Variants in RYR2 observed in about 807,000 individuals in gnomAD.
The protein encoded by RYR2 is cardiac muscle ryanodine receptor-calcium release channel.
Under a neutral mutation model 601.1 loss-of-function variants are expected in RYR2, and 227 were observed. The ratio of observed to expected loss-of-function variants is 0.38; its 90% CI spans 0.34 to 0.42. RYR2 has a LOEUF of 0.42. Ranked by LOEUF, RYR2 falls within the 10% of genes least tolerant of loss-of-function variation. RYR2 has a pLI of 1.00. For missense variants in RYR2, 4,646 were observed against 6,156.5 expected, an observed-to-expected ratio of 0.75 and a Z score of 8.21; for synonymous variants, 2,223 against 2,175.1, an observed-to-expected ratio of 1.02 and a Z score of -0.61.
intron 81 of RYR2, 92 bp downstream of exon 81, chr1:237,756,479 A>C: frequency 2.6e-6 from 2 of 775,324 alleles, no homozygotes; most frequent in Non-Finnish European, 4.2e-6. Flanking sequence ...CCACTGACTC[A>C]TTTAGTCCTG....
At chr1:237,753,036 G>A (rs1055180075) in intron 80 of RYR2, among the ~76,000 whole-genome samples, 1 of 152,188 alleles carries the variant, frequency 6.6e-6, no homozygotes, top group African/African-American at 2.4e-5. Context: ...ATGATGCACA[G>A]ATGATAGATT....
At chr1:237,347,998 G>A (rs1384404816) in intron 3 of RYR2, among the ~76,000 whole-genome samples, 1 of 151,952 alleles carries the variant, frequency 6.6e-6, no homozygotes, top group Non-Finnish European at 1.5e-5. Flanking sequence ...ATTCATTTGG[G>A]CAGAGATTAA....
intron 27 of RYR2, among the ~76,000 whole-genome samples, chr1:237,554,287 T>C (rs2779386): frequency 0.9 from 136,087 of 151,872 alleles, 61,929 homozygotes; most frequent in East Asian, 0.97. Context: ...GTGGATATCA[T>C]GACTATCAAG....
chr1:237,691,100 C>T (rs545909700), intron 63 of RYR2, among the ~76,000 whole-genome samples: 9 of 152,132 alleles, frequency 5.9e-5, no homozygotes, highest in Non-Finnish European at 1.2e-4. Context: ...CCACGCCCGG[C>T]CAAATCTCTA....
intron 1 of RYR2, among the ~76,000 whole-genome samples, chr1:237,234,631 G>T (rs1442607916): frequency 2.0e-5 from 3 of 152,142 alleles, no homozygotes; most frequent in African/African-American, 7.2e-5. Flanking sequence ...GCTCATAATT[G>T]TAAAATTTCT....
intron 1 of RYR2, among the ~76,000 whole-genome samples, chr1:237,162,938 G>C (rs527891907): frequency 1.3e-5 from 2 of 152,118 alleles, no homozygotes; most frequent in Admixed American, 6.5e-5. Context: ...AGGGAAAGAG[G>C]CTTCATCTCT....
At chr1:237,748,328 T>A (rs1692254520) in intron 80 of RYR2, among the ~76,000 whole-genome samples, 1 of 152,080 alleles carries the variant, frequency 6.6e-6, no homozygotes, top group Non-Finnish European at 1.5e-5. Context: ...AGGCACTTTA[T>A]ATGCAGGTTC....
rs1682426237 is a variant in RYR2, at chr1:237,648,746, A to C, written c.7512+133A>C. ...TGAGTACCTGTTATATTTTCAGGTA[A>C]GCCATGGGTAAACAGAAAATAAACT... On this transcript the variant is annotated intron_variant, in intron 49 of 104. Transcript: ENST00000366574. The C allele has an allele frequency of 3.8e-6, 4 of 1,056,064 alleles. No homozygotes were observed. The East Asian group carries it at 1.1e-4, about 28-fold the overall frequency. 65.4% of individuals were successfully genotyped at this position (1,056,064 alleles called of 1,614,324 possible).
intron 2 of RYR2, among the ~76,000 whole-genome samples, chr1:237,315,222 A>AT (rs1447912176): frequency 6.6e-6 from 1 of 152,114 alleles, no homozygotes; most frequent in East Asian, 1.9e-4. Flanking sequence ...ATGTGAACGA[A>AT]TTGGGTGTAT....
At chr1:237,435,822 C>T (rs1171670835) in intron 12 of RYR2, among the ~76,000 whole-genome samples, 6 of 152,076 alleles carry the variant, frequency 3.9e-5, no homozygotes, top group Non-Finnish European at 8.8e-5. Context: ...CAGGGTTCAG[C>T]CAGAGATGCA....
intron 1 of RYR2, among the ~76,000 whole-genome samples, chr1:237,134,409 A>G (rs541096828): frequency 1.3e-5 from 2 of 152,326 alleles, no homozygotes; most frequent in East Asian, 1.9e-4. Flanking sequence ...CCCCACAGTC[A>G]TGGCGGAAGA....
chr1:237,614,489 C>G lies in RYR2; in HGVS notation c.5361C>G (p.Leu1787=). The G allele has an allele frequency of 1.2e-6, 2 of 1,614,032 alleles. No homozygotes were observed. Among genetic ancestry groups the G allele is most frequent in the Non-Finnish European group, 1.7e-6 (2 of 1,179,888 alleles). The stretch of plus-strand genomic sequence containing the variant: ...GTCCAGAGTTCCCACTGGACATCCT[C>G]AAGTCCAAAACCATACAGATGCTGA... The part of the protein sequence containing the change: ...QYSPEFPLDI[L]KSKTIQMLTE... Residue 1787 remains leucine, a synonymous_variant, in exon 37 of 105, where the codon CTC becomes CTG. Transcript: ENST00000366574. This position sits in a 1 kb window ranked among gnomAD's most constrained non-coding sequence, Gnocchi z 4.3.
intron 1 of RYR2, among the ~76,000 whole-genome samples, chr1:237,127,645 G>T (rs531401747): frequency 6.7e-6 from 1 of 149,258 alleles, no homozygotes; most frequent in Non-Finnish European, 1.5e-5. Context: ...GCTGCCGGGC[G>T]GAGGGTCTCC....
rs148657039 is a variant in RYR2, at chr1:237,340,653, T to C, written c.273+9671T>C. ...GAGGCTGTGTTCTGTTACCTACCTATTGAAGAACATCCTTGGTAAAGCATA... is the reference window on the plus strand; with the variant it reads ...GAGGCTGTGTTCTGTTACCTACCTACTGAAGAACATCCTTGGTAAAGCATA... On this transcript the variant is annotated intron_variant, in intron 3 of 104. Transcript: ENST00000366574. 2.8e-4 allele frequency among the ~76,000 whole-genome samples: 43 copies of C among 152,318 alleles called. No individual in the cohort carries two copies. In the East Asian group the frequency reaches 5.4e-3, roughly 19 times the overall value.
intron 50 of RYR2, among the ~76,000 whole-genome samples, chr1:237,650,873 G>T (rs1682660373): frequency 6.6e-6 from 1 of 152,174 alleles, no homozygotes; most frequent in Non-Finnish European, 1.5e-5. Context: ...CTGTAAAATT[G>T]AACCAAAATG....
intron 27 of RYR2, among the ~76,000 whole-genome samples, chr1:237,562,955 G>C (rs1046285011): frequency 1.3e-5 from 2 of 152,010 alleles, no homozygotes; most frequent in African/African-American, 2.4e-5. Context: ...GATACTACAA[G>C]GTATGCAAAA....
intron 3 of RYR2, among the ~76,000 whole-genome samples, chr1:237,353,759 G>A (rs1262034643): frequency 6.6e-6 from 1 of 151,942 alleles, no homozygotes; most frequent in East Asian, 1.9e-4. Flanking sequence ...GTAATTTCCT[G>A]CAGATATTAA....
chr1:237,528,124 G>A lies in RYR2; in HGVS notation c.2823-2303G>A, dbSNP rs537870810. Among the ~76,000 whole-genome samples the A allele has an allele frequency of 7.2e-5, 11 of 152,262 alleles. No homozygotes were observed. The South Asian group carries it at 1.7e-3, about 23-fold the overall frequency. ...TTAAAGATGCTGGCAATTTGAATAT[G>A]TCAAAGAGAAGCCATAAAGTGCTTC... On this transcript the variant is annotated intron_variant, in intron 24 of 104. Coordinates refer to ENST00000366574, the MANE Select transcript of RYR2 (RefSeq NM_001035.3).
At chr1:237,816,069 G>A (rs1195918699) in intron 100 of RYR2, among the ~76,000 whole-genome samples, 1 of 152,120 alleles carries the variant, frequency 6.6e-6, no homozygotes, top group African/African-American at 2.4e-5. Flanking sequence ...CAAAGAAGCA[G>A]GGATGGAGAG....
Sources: gnomAD v4.1 joint callset for allele counts (sites outside exome capture counted in the v4.1 genomes callset) on GRCh38, gnomAD v4.1.1 for gene constraint, Gnocchi (gnomAD v3.1) non-coding constraint, MANE v1.5 for transcripts, NCBI Gene and HGNC (gene_info 2026-07-23, HGNC 2026-07-21) for gene names.